The following CTNNAL1 variants were observed in gnomAD, a reference collection of about 807,000 sequenced individuals.
CTNNAL1 encodes the protein catenin alpha like 1, also known as alpha-catulin.
Under a neutral mutation model 93.6 loss-of-function variants are expected in CTNNAL1, and 69 were observed. The ratio of observed to expected loss-of-function variants is 0.74; its 90% CI spans 0.61 to 0.90. The LOEUF (loss-of-function observed/expected upper bound fraction) is 0.90. Ranked by LOEUF, CTNNAL1 falls within the 40% of genes least tolerant of loss-of-function variation. The probability of loss-of-function intolerance (pLI) is 0.00; values close to 1 mark genes in which losing one functional copy is unlikely to be tolerated. For synonymous variants in CTNNAL1, 286 were observed against 305.4 expected, an observed-to-expected ratio of 0.94 and a Z score of 0.66; for missense variants, 836 against 862.0, an observed-to-expected ratio of 0.97 and a Z score of 0.38.
chr9:108,978,053 G>A lies in CTNNAL1; in HGVS notation c.1102-1005C>T, dbSNP rs1443527941. Among the ~76,000 whole-genome samples the A allele has an allele frequency of 4.6e-5, 7 of 152,304 alleles. No homozygotes were observed. In the East Asian group the frequency reaches 7.7e-4, roughly 17 times the overall value. On this transcript the variant is annotated intron_variant, in intron 7 of 18. Transcript: ENST00000325551. Reference sequence around the variant, plus strand: ...ATCTGAGTGCTTGTGAAATATGCACGGGTAAATTTGCTAAATTTGTGACAT... The same window carrying A: ...ATCTGAGTGCTTGTGAAATATGCACAGGTAAATTTGCTAAATTTGTGACAT...
At chr9:108,956,909 G>A (rs141283929) in intron 11 of CTNNAL1, among the ~76,000 whole-genome samples, 327 of 151,774 alleles carry the variant, frequency 2.2e-3, no homozygotes, top group African/African-American at 7.6e-3. Flanking sequence ...ATGTGTAAGT[G>A]TATTAAACAC....
chr9:109,000,874 T>C (rs914604994), intron 1 of CTNNAL1, among the ~76,000 whole-genome samples: 1 of 151,786 alleles, frequency 6.6e-6, no homozygotes, highest in African/African-American at 2.4e-5. Flanking sequence ...AATGAAGAAT[T>C]TATATTGGCT....
chr9:108,992,315 TACAG>T (rs1831838654), intron 3 of CTNNAL1, among the ~76,000 whole-genome samples: 1 of 152,016 alleles, frequency 6.6e-6, no homozygotes. Flanking sequence ...ACTTTTAAAC[TACAG>T]ACAGAGTTAT....
At chr9:109,009,751 T>G (rs1288144096) in intron 1 of CTNNAL1, among the ~76,000 whole-genome samples, 1 of 152,242 alleles carries the variant, frequency 6.6e-6, no homozygotes, top group East Asian at 1.9e-4. Flanking sequence ...TTCATGGAAA[T>G]TGCATTAAAT....
In CTNNAL1 at chr9:108,999,147, T is replaced by C; in HGVS notation, c.251A>G (p.Lys84Arg). The C allele has an allele frequency of 6.2e-7, 1 of 1,613,888 alleles. No homozygotes were observed. Among genetic ancestry groups the C allele is most frequent in the Non-Finnish European group, 8.5e-7 (1 of 1,179,890 alleles). Residue 84 changes from lysine (K) to arginine (R), a missense_variant, in exon 2 of 19, where the codon AAA becomes AGA. Physicochemically the swap from Lys to Arg is conservative, Grantham distance 26. Coordinates refer to ENST00000325551, the MANE Select transcript of CTNNAL1 (RefSeq NM_003798.4). ...AVNLAVGRFVKVGEAIANENW... is the reference protein window; with the variant it reads ...AVNLAVGRFVRVGEAIANENW... Reference sequence around the variant, plus strand: ...TTCATTGGCTATAGCTTCTCCTACTTTAACAAATCTTCCAACTGCCAAGTT... The same window carrying C: ...TTCATTGGCTATAGCTTCTCCTACTCTAACAAATCTTCCAACTGCCAAGTT...
At chr9:109,006,301 A>T (rs1173953325) in intron 1 of CTNNAL1, among the ~76,000 whole-genome samples, 1 of 152,232 alleles carries the variant, frequency 6.6e-6, no homozygotes, top group Non-Finnish European at 1.5e-5. Context: ...TATGTGTTTT[A>T]CATGTATCAA....
chr9:108,976,724 G>T lies in CTNNAL1; in HGVS notation c.1188+238C>A, dbSNP rs1831278500. Among the ~76,000 whole-genome samples, 3 of 151,964 alleles carry T rather than the reference G, an allele frequency of 2.0e-5. No homozygotes were observed. The South Asian group carries it at 6.2e-4, about 32-fold the overall frequency. The stretch of plus-strand genomic sequence containing the variant: ...CTTTTGTGTTTTTTGTAGAGATGGG[G>T]TTTTGCCATGTTGCCCAGGCTAATC... On this transcript the variant is annotated intron_variant, in intron 8 of 18. Transcript: ENST00000325551.
In CTNNAL1 at chr9:108,977,059, T is replaced by G. The variant is rs537284564; in HGVS notation, c.1102-11A>C. The G allele has an allele frequency of 7.3e-7, 1 of 1,372,484 alleles. No individual in the cohort carries two copies. Among genetic ancestry groups the G allele is most frequent in the Non-Finnish European group, 9.9e-7 (1 of 1,006,880 alleles). The allele number at this position is 1,372,484 out of a possible 1,614,324, so 85.0% of individuals were successfully genotyped here. A position where few individuals can be genotyped will look rare whatever the true frequency, so the allele number is the denominator to read the frequency against. On this transcript the variant is annotated splice_polypyrimidine_tract_variant and intron_variant, in intron 7 of 18. Transcript: ENST00000325551. ...TGTTTTCTTGCTTTGCTAAAAATTTTAAAAAGTATACATGTAATGTTACCG... is the reference window on the plus strand; with the variant it reads ...TGTTTTCTTGCTTTGCTAAAAATTTGAAAAAGTATACATGTAATGTTACCG...
chr9:108,972,864 G>GGGGGCCCCCCCCCCCCCCCC, intron 8 of CTNNAL1, 31 bp from the exon 9 acceptor site: 1 of 142,572 alleles, frequency 7.0e-6, no homozygotes, highest in Non-Finnish European at 1.0e-5. Flanking sequence ...GGGGGGGTGG[G>GGGGGCCCCCCCCCCCCCCCC]AGGGTGGAGA....
rs1310498872 is a variant in CTNNAL1, at chr9:109,013,387, G to C, written c.56C>G (p.Ser19Cys). ...GTCGAGGGCGAAGCCCGAAGAGCCG[G>C]AGCCGTAGACTGCTCCGGCGCCGCC... ...GVGGAGAVYG[S>C]GSSGFALDSG... The change falls in exon 1 of 19, where the codon TCC becomes TGC. Residue 19 changes from serine to cysteine, a missense_variant. Ser to Cys is a moderately radical substitution (Grantham distance 112, BLOSUM62 -1). Coordinates refer to ENST00000325551, the MANE Select transcript of CTNNAL1 (RefSeq NM_003798.4). The C allele has an allele frequency of 6.6e-7, 1 of 1,512,300 alleles. No homozygotes were observed. The highest frequency in any genetic ancestry group is 1.5e-5 in the African/African-American group (1 of 68,956). 93.7% of individuals were successfully genotyped at this position (1,512,300 alleles called of 1,614,324 possible).
At chr9:109,006,602 C>G (rs552504113) in intron 1 of CTNNAL1, among the ~76,000 whole-genome samples, 2 of 152,232 alleles carry the variant, frequency 1.3e-5, no homozygotes, top group South Asian at 4.2e-4. Context: ...AGAGTCATAA[C>G]TTGGAGTTGC....
chr9:108,995,889 G>T (rs1215177183), intron 2 of CTNNAL1, among the ~76,000 whole-genome samples: 3 of 151,946 alleles, frequency 2.0e-5, no homozygotes, highest in Non-Finnish European at 2.9e-5. Flanking sequence ...ATGTTTAATA[G>T]ATTGCCCAAT....
chr9:108,993,702 G>T (rs139477113), intron 2 of CTNNAL1, among the ~76,000 whole-genome samples: 2,394 of 152,220 alleles, frequency 0.016, 31 homozygotes, highest in Non-Finnish European at 0.025. Context: ...CCTCCATACT[G>T]TTAAAAAGAT....
Position 108,943,731 on chromosome 9 carries a change from G to A in CTNNAL1, c.2027C>T (p.Thr676Ile), listed in dbSNP as rs1830315471. ...TAGAAATACTTTATTCTGCAAAGAA[G>A]TCTTAGTTACTGTCTGGAGCTGGTG... Reference protein sequence around the residue: ...LCHQLQTVTKTSLQNKVFLKV... With the variant: ...LCHQLQTVTKISLQNKVFLKV... Residue 676 changes from threonine to isoleucine, a missense_variant, in exon 17 of 19, where the codon ACT becomes ATT. Coordinates refer to ENST00000325551, the MANE Select transcript of CTNNAL1 (RefSeq NM_003798.4). 1 of 1,613,032 alleles carries A rather than the reference G, an allele frequency of 6.2e-7. No individual in the cohort carries two copies. The highest frequency in any genetic ancestry group is 2.2e-5 in the East Asian group (1 of 44,836).
In CTNNAL1 at chr9:108,955,806, G is replaced by A. The variant is rs765761402; in HGVS notation, c.1613C>T (p.Ser538Leu). ...GRRGEKYGYL[S>L]LPKPMKNNAN... ...TCTACTTACCATTGGCTTTGGAAGTGAAAGGTAGCCATACTTCTCTCCTAC... is the reference window on the plus strand; with the variant it reads ...TCTACTTACCATTGGCTTTGGAAGTAAAAGGTAGCCATACTTCTCTCCTAC... The change falls in exon 12 of 19, where the codon TCA becomes TTA. Residue 538 changes from serine (S) to leucine (L), a missense_variant. Ser to Leu is a moderately radical substitution (Grantham distance 145, BLOSUM62 -2). Coordinates refer to ENST00000325551, the MANE Select transcript of CTNNAL1 (RefSeq NM_003798.4). 1 of 1,601,398 alleles carries A rather than the reference G, an allele frequency of 6.2e-7. No homozygotes were observed. The highest frequency in any genetic ancestry group is 8.5e-7 in the Non-Finnish European group (1 of 1,174,090).
chr9:108,991,703 G>A (rs772244856), intron 3 of CTNNAL1, among the ~76,000 whole-genome samples: 8 of 152,150 alleles, frequency 5.3e-5, no homozygotes, highest in Admixed American at 2.6e-4. Context: ...AGAGGGGAAG[G>A]TTGTTTGTAT....
At chr9:108,972,864 G>GGGGGGGGGCGCCCCCCCCCCC in intron 8 of CTNNAL1, 31 bp from the exon 9 acceptor site, 2 of 142,576 alleles carry the variant, frequency 1.4e-5, no homozygotes, top group Non-Finnish European at 2.0e-5. Context: ...GGGGGGGTGG[G>GGGGGGGGGCGCCCCCCCCCCC]AGGGTGGAGA....
chr9:108,977,743 A>G (rs978615779), intron 7 of CTNNAL1, among the ~76,000 whole-genome samples: 1 of 152,252 alleles, frequency 6.6e-6, no homozygotes, highest in African/African-American at 2.4e-5. Context: ...TAAAAATTAA[A>G]TATCACTACT....
At chr9:108,972,446 G>A (rs1831140675) in intron 9 of CTNNAL1, among the ~76,000 whole-genome samples, 1 of 152,158 alleles carries the variant, frequency 6.6e-6, no homozygotes, top group African/African-American at 2.4e-5. Flanking sequence ...AGAGGATAAG[G>A]AAAAGAAGAT....
Sources: gnomAD v4.1 joint callset for allele counts (sites outside exome capture counted in the v4.1 genomes callset) on GRCh38, gnomAD v4.1.1 for gene constraint, MANE v1.5 for transcripts, NCBI Gene and HGNC (gene_info 2026-07-23, HGNC 2026-07-21) for gene names.